The following DIP2C variants were observed in gnomAD, a reference collection of about 807,000 sequenced individuals.
DIP2C encodes disco-interacting protein 2 homolog C.
DIP2C carries 33 observed loss-of-function variants against 192.4 expected under a neutral mutation model. That is an observed-to-expected ratio of 0.17 (90% CI 0.13 to 0.23). The LOEUF (loss-of-function observed/expected upper bound fraction) is 0.23, where lower values mean the gene tolerates loss of function less well. DIP2C is among the 10% of genes least tolerant of loss of function. The pLI, the probability that DIP2C is intolerant of heterozygous loss-of-function variation, is 1.00. For missense variants in DIP2C, 1,537 were observed against 2,110.1 expected, an observed-to-expected ratio of 0.73 and a Z score of 5.32; for synonymous variants, 979 against 864.1, an observed-to-expected ratio of 1.13 and a Z score of -2.33.
intron 1 of DIP2C, among the ~76,000 whole-genome samples, chr10:530,854 TAC>T (rs1252024036): frequency 6.6e-6 from 1 of 152,058 alleles, no homozygotes; most frequent in Non-Finnish European, 1.5e-5. Context: ...CTAACTCCTG[TAC>T]AGTTTGTTAA....
At chr10:534,758 G>C (rs953056600) in intron 1 of DIP2C, among the ~76,000 whole-genome samples, 2 of 150,478 alleles carry the variant, frequency 1.3e-5, no homozygotes, top group Non-Finnish European at 2.9e-5. Context: ...CTCACTGCAA[G>C]CTCCGCTTCC....
At chr10:571,079 A>G (rs977930913) in intron 1 of DIP2C, among the ~76,000 whole-genome samples, 1 of 152,212 alleles carries the variant, frequency 6.6e-6, no homozygotes, top group Non-Finnish European at 1.5e-5. Flanking sequence ...CCACAATTAC[A>G]GGATCTGAAG....
chr10:385,931 G>T (rs117704764), intron 14 of DIP2C, among the ~76,000 whole-genome samples: 2,192 of 152,290 alleles, frequency 0.014, 26 homozygotes, highest in Non-Finnish European at 0.023. Flanking sequence ...GGAGGTAAGG[G>T]TGTCTCAAAA....
intron 22 of DIP2C, among the ~76,000 whole-genome samples, chr10:362,011 C>T (rs1172016338): frequency 6.7e-6 from 1 of 149,480 alleles, no homozygotes; most frequent in East Asian, 1.9e-4. Flanking sequence ...TGGGAGGGGG[C>T]GGAAACAAAC....
rs751968143 is a variant in DIP2C at position 341,333 on chromosome 10, C to G, written c.3454-4G>C. 6.2e-7 allele frequency: 1 copy of G among 1,613,632 alleles called. No homozygotes were observed. Among genetic ancestry groups the G allele is most frequent in the African/African-American group, 1.3e-5 (1 of 74,900 alleles). ...CACTGGTGGCTGCGTGAGACATCTG[C>G]AAAATACAAGGCTGTGTTAAACGCA... On this transcript the variant is annotated splice_polypyrimidine_tract_variant and splice_region_variant and intron_variant, in intron 28 of 36. Coordinates refer to ENST00000280886, the MANE Select transcript of DIP2C (RefSeq NM_014974.3).
intron 1 of DIP2C, among the ~76,000 whole-genome samples, chr10:496,399 A>ACACAGAACC (rs1051187299): frequency 3.5e-5 from 5 of 144,038 alleles, no homozygotes; most frequent in African/African-American, 5.2e-5. Context: ...AGTGCTGACT[A>ACACAGAACC]CACAGAACCC....
At chr10:476,853 G>A (rs1488450540) in intron 2 of DIP2C, among the ~76,000 whole-genome samples, 5 of 151,896 alleles carry the variant, frequency 3.3e-5, no homozygotes, top group African/African-American at 1.2e-4. Flanking sequence ...AATGAATCTT[G>A]GAGCAAGGAA....
intron 6 of DIP2C, among the ~76,000 whole-genome samples, chr10:418,273 G>A (rs574969415): frequency 7.3e-6 from 1 of 137,006 alleles, no homozygotes; most frequent in Non-Finnish European, 1.6e-5. Flanking sequence ...TCAGGCCTCA[G>A]ATAGGCATCC....
intron 3 of DIP2C, among the ~76,000 whole-genome samples, chr10:463,024 A>T (rs1000792718): frequency 6.6e-6 from 1 of 152,218 alleles, no homozygotes; most frequent in African/African-American, 2.4e-5. Context: ...TCTCAAAATA[A>T]TAAGAGCTAT....
At chr10:305,989 ATATATT>A (rs1032347436) in intron 32 of DIP2C, among the ~76,000 whole-genome samples, 3 of 97,808 alleles carry the variant, frequency 3.1e-5, no homozygotes, top group Admixed American at 2.0e-4. Flanking sequence ...ATATATATAT[ATATATT>A]ATATTTTTTT....
chr10:384,690 G>T (rs755469728), intron 14 of DIP2C, 51 bp from the exon 15 acceptor site: 23 of 1,583,466 alleles, frequency 1.5e-5, no homozygotes, highest in East Asian at 2.2e-5. Context: ...GCACGCAGAG[G>T]AGCAGCTCTC....
In DIP2C at chr10:320,949, AC is replaced by A. The variant is rs544792500; in HGVS notation, c.3924+6056del. Among the ~76,000 whole-genome samples, 370 of 152,228 alleles carry A rather than the reference AC, an allele frequency of 2.4e-3. 3 individuals are homozygous for A. Among genetic ancestry groups the A allele is most frequent in the African/African-American group, 8.4e-3 (350 of 41,536 alleles). ...AGTTCGAGAAGGCCCCATGGAGGGG[AC>A]CCGGGCGGAGCAGGATGAGGGCAGA... On this transcript the variant is annotated intron_variant, in intron 31 of 36. Coordinates refer to ENST00000280886, the MANE Select transcript of DIP2C (RefSeq NM_014974.3).
chr10:484,750 T>G (rs757387539), intron 2 of DIP2C: 25 of 1,605,022 alleles, frequency 1.6e-5, no homozygotes, highest in Non-Finnish European at 1.8e-5. Flanking sequence ...TACCCTGCTG[T>G]GGGGCTGGCT....
chr10:567,919 C>T (rs115989246), intron 1 of DIP2C, among the ~76,000 whole-genome samples: 10 of 152,336 alleles, frequency 6.6e-5, no homozygotes, highest in African/African-American at 9.6e-5. Flanking sequence ...TGTGAGCAAT[C>T]GCGCCTGGCC....
chr10:407,074 G>T (rs1044388399), intron 9 of DIP2C, among the ~76,000 whole-genome samples: 1 of 152,216 alleles, frequency 6.6e-6, no homozygotes. Context: ...TGGGGAGACC[G>T]ATTTGAGAAA....
intron 33 of DIP2C, 66 bp from the exon 34 acceptor site, chr10:286,413 A>T: frequency 1.4e-6 from 2 of 1,401,530 alleles, no homozygotes; most frequent in Non-Finnish European, 2.0e-6. Context: ...ACACAAGCCA[A>T]CCTCAATCTC....
intron 32 of DIP2C, among the ~76,000 whole-genome samples, chr10:300,669 C>A (rs1252098349): frequency 1.4e-5 from 2 of 142,138 alleles, no homozygotes; most frequent in African/African-American, 5.2e-5. Flanking sequence ...CAGGCGCGGC[C>A]CTGAGCGTGT....
chr10:325,953 A>T (rs1376819947), intron 31 of DIP2C, among the ~76,000 whole-genome samples: 2 of 152,122 alleles, frequency 1.3e-5, no homozygotes, highest in Admixed American at 6.5e-5. Flanking sequence ...AGGCCAGGGC[A>T]GACAGATTGT....
At chr10:291,262 C>A (rs1955484376) in intron 32 of DIP2C, among the ~76,000 whole-genome samples, 1 of 152,242 alleles carries the variant, frequency 6.6e-6, no homozygotes, top group African/African-American at 2.4e-5. Context: ...CAGCTGAGAA[C>A]CTTGTCTGAA....
Sources: gnomAD v4.1 joint callset for allele counts (sites outside exome capture counted in the v4.1 genomes callset) on GRCh38, gnomAD v4.1.1 for gene constraint, MANE v1.5 for transcripts, NCBI Gene and HGNC (gene_info 2026-07-23, HGNC 2026-07-21) for gene names.